PCDHGA2: variants seen among roughly 807,000 people sequenced by gnomAD.
The protein encoded by PCDHGA2 is protocadherin gamma subfamily A, 2.
In PCDHGA2, 40 loss-of-function variants were observed where a neutral mutation model predicts 59.2. The ratio of observed to expected loss-of-function variants is 0.68; its 90% CI spans 0.52 to 0.88. The LOEUF (loss-of-function observed/expected upper bound fraction) is 0.88, where lower values mean the gene tolerates loss of function less well. Among genes scored for constraint, PCDHGA2 ranks in the 40% least tolerant of loss-of-function variants. The probability of loss-of-function intolerance (pLI) is 0.00; values close to 1 mark genes in which losing one functional copy is unlikely to be tolerated. For synonymous variants in PCDHGA2, 560 were observed against 526.0 expected (o/e 1.06, Z -0.89); for missense variants, 1,226 against 1,204.0 (o/e 1.02, Z -0.27).
chr5:141,471,591 A>T (rs925105880), intron 1 of PCDHGA2: 1 of 152,294 alleles, frequency 6.6e-6, no homozygotes, highest in South Asian at 2.1e-4. Context: ...AGTAATTGAT[A>T]GTTTCAAAAT....
chr5:141,409,749 C>T (rs1477022032), intron 1 of PCDHGA2: 4 of 1,613,030 alleles, frequency 2.5e-6, no homozygotes, highest in Admixed American at 1.7e-5. Context: ...GTGGTGTTCG[C>T]GCAGCGCGCC....
rs1759725917 is a variant in PCDHGA2 at position 141,355,135 on chromosome 5, C to T, written c.2424+13740C>T. 7 of 1,523,612 alleles carry T rather than the reference C, an allele frequency of 4.6e-6. No homozygotes were observed. In the Middle Eastern group the frequency reaches 9.9e-4, roughly 216 times the overall value. 94.4% of individuals were successfully genotyped at this position (1,523,612 alleles called of 1,614,324 possible). ...GCACTTTATTTTGGACCCAGAAGAT[C>T]CTGGGGCTCCTCAGGCCTCGACAGA... On this transcript the variant is annotated intron_variant, in intron 1 of 3. Transcript: ENST00000394576.
rs138070043 is a variant in PCDHGA2, at chr5:141,512,950, AAAT to A, written c.*1783_*1785del. 5,271 of 152,332 alleles carry A rather than the reference AAAT, an allele frequency of 0.035. 119 individuals carry two copies. The highest frequency in any genetic ancestry group is 0.075 in the South Asian group (360 of 4,826). The allele number at this position is 152,332 out of a possible 1,614,324, so 9.4% of individuals were successfully genotyped here. On this transcript the variant is annotated 3_prime_UTR_variant, in exon 4 of 4. Coordinates refer to ENST00000394576, the MANE Select transcript of PCDHGA2 (RefSeq NM_018915.4). ...ATATGGCTTTTTTTCTTCGACAAAA[AAAT>A]AATAAAACGTTTCTTCTGAAAAGCT...
At position 141,339,563 on chromosome 5, in the gene PCDHGA2, C is replaced by G. The variant is rs992259833; in HGVS notation, c.592C>G (p.Arg198Gly). ...GNKYPELVLE[R>G]SLDREEEAVH... ...CAAGTACCCAGAACTGGTGCTGGAG[C>G]GCTCTCTGGACCGCGAGGAAGAGGC... is the stretch of plus-strand genomic sequence containing the variant. The change falls in exon 1 of 4, where the codon CGC (arginine) becomes GGC (glycine). Residue 198 changes from arginine (R) to glycine (G), a missense_variant. Physicochemically the swap from Arg to Gly is moderately radical, Grantham distance 125 (BLOSUM62 -2). Transcript: ENST00000394576. 1.2e-6 allele frequency: 2 copies of G among 1,614,022 alleles called. No individual in the cohort carries two copies. Among genetic ancestry groups the G allele is most frequent in the African/African-American group, 1.3e-5 (1 of 74,908 alleles).
In PCDHGA2 at chr5:141,432,612, C is replaced by T. The variant is rs752901891; in HGVS notation, c.2425-62195C>T. 1.9e-6 allele frequency: 3 copies of T among 1,613,912 alleles called. No individual in the cohort carries two copies. The highest frequency in any genetic ancestry group is 2.5e-6 in the Non-Finnish European group (3 of 1,179,970). On this transcript the variant is annotated intron_variant, in intron 1 of 3. Transcript: ENST00000394576. The surrounding 1 kb of genome is among the most constrained non-coding windows in gnomAD (Gnocchi z 6.0). ...AAGGCCAGCGAGCCGGGACTCTTCT[C>T]GGTGGGTCTGCACACGGGCGAGGTG...
At chr5:141,469,415 A>C (rs2099200751) in intron 1 of PCDHGA2, among the ~76,000 whole-genome samples, 1 of 152,116 alleles carries the variant, frequency 6.6e-6, no homozygotes, top group Admixed American at 6.5e-5. Flanking sequence ...TTTCTACTAA[A>C]AATATAAAAC....
At chr5:141,444,626 A>G (rs542390437) in intron 1 of PCDHGA2, among the ~76,000 whole-genome samples, 74 of 152,288 alleles carry the variant, frequency 4.9e-4, no homozygotes, top group African/African-American at 1.7e-3. Flanking sequence ...GGCATGATGC[A>G]CCAGTTCATT....
chr5:141,415,837 A>G (rs1232795581), intron 1 of PCDHGA2: 1 of 1,272,340 alleles, frequency 7.9e-7, no homozygotes, highest in Admixed American at 4.0e-5. Flanking sequence ...TGTTATGATT[A>G]GCTTTGCAGA....
Position 141,431,051 on chromosome 5 carries a change from G to C in PCDHGA2, c.2425-63756G>C, listed in dbSNP as rs1280440001. On this transcript the variant is annotated intron_variant, in intron 1 of 3. Coordinates refer to ENST00000394576, the MANE Select transcript of PCDHGA2 (RefSeq NM_018915.4). This position sits in a 1 kb window ranked among gnomAD's most constrained non-coding sequence, Gnocchi z 4.8. ...GATAGACCGGGAGGAGCTCTGTATGGGGGCCATCAAGTGTCAATTAAATCT... is the reference window on the plus strand; with the variant it reads ...GATAGACCGGGAGGAGCTCTGTATGCGGGCCATCAAGTGTCAATTAAATCT... 3 of 1,614,218 alleles carry C rather than the reference G, an allele frequency of 1.9e-6. No homozygotes were observed. Among genetic ancestry groups the C allele is most frequent in the East Asian group, 2.2e-5 (1 of 44,886 alleles).
chr5:141,343,874 C>T (rs1047507236), intron 1 of PCDHGA2: 37 of 605,772 alleles, frequency 6.1e-5, no homozygotes, highest in Admixed American at 2.4e-4. Flanking sequence ...AAATCAGACT[C>T]AGAAGATCCG....
At chr5:141,451,673 G>A (rs912482749) in intron 1 of PCDHGA2, among the ~76,000 whole-genome samples, 4 of 152,164 alleles carry the variant, frequency 2.6e-5, no homozygotes, top group African/African-American at 7.2e-5. Context: ...CTTGAGCCCA[G>A]GAGTTCAAGA....
chr5:141,431,678 T>G lies in PCDHGA2; in HGVS notation c.2425-63129T>G. The G allele has an allele frequency of 6.2e-7, 1 of 1,614,084 alleles. No homozygotes were observed. Among genetic ancestry groups the G allele is most frequent in the Non-Finnish European group, 8.5e-7 (1 of 1,180,022 alleles). On this transcript the variant is annotated intron_variant, in intron 1 of 3. Transcript: ENST00000394576. This position sits in a 1 kb window ranked among gnomAD's most constrained non-coding sequence, Gnocchi z 4.8. ...AGGGACAATATCAACAATAGGGGAGTTGGACCACGAGGAGTCAGGATTCTA... is the reference window on the plus strand; with the variant it reads ...AGGGACAATATCAACAATAGGGGAGGTGGACCACGAGGAGTCAGGATTCTA...
chr5:141,420,018 G>T, intron 1 of PCDHGA2: 2 of 1,614,066 alleles, frequency 1.2e-6, no homozygotes, highest in African/African-American at 2.7e-5. Flanking sequence ...CAGTCTTTCA[G>T]CCCTACTGCA....
At chr5:141,354,474 AAGGCT>A (rs1759552613) in intron 1 of PCDHGA2, among the ~76,000 whole-genome samples, 1 of 152,066 alleles carries the variant, frequency 6.6e-6, no homozygotes, top group Non-Finnish European at 1.5e-5. Context: ...TGTACAGGGT[AAGGCT>A]AACTCTTGAA....
chr5:141,500,574 G>A (rs2099801457), intron 2 of PCDHGA2, among the ~76,000 whole-genome samples: 1 of 152,164 alleles, frequency 6.6e-6, no homozygotes, highest in African/African-American at 2.4e-5. Context: ...ACACTTTCAT[G>A]TGACACTTTA....
In PCDHGA2 at chr5:141,431,955, GA is replaced by G; in HGVS notation, c.2425-62849del. ...CCCTTTAAATTAGAAAAATCTTACG[GA>G]AATTACTATAGTTTAGTCACAGACA... On this transcript the variant is annotated intron_variant, in intron 1 of 3. Coordinates refer to ENST00000394576, the MANE Select transcript of PCDHGA2 (RefSeq NM_018915.4). The surrounding 1 kb of genome is among the most constrained non-coding windows in gnomAD (Gnocchi z 4.8). The G allele has an allele frequency of 6.2e-7, 1 of 1,614,142 alleles. No homozygotes were observed. Among genetic ancestry groups the G allele is most frequent in the Non-Finnish European group, 8.5e-7 (1 of 1,180,024 alleles).
intron 1 of PCDHGA2, among the ~76,000 whole-genome samples, chr5:141,406,594 G>A (rs1463823326): frequency 1.3e-5 from 2 of 152,068 alleles, no homozygotes; most frequent in Non-Finnish European, 2.9e-5. Context: ...CCCTTTAATG[G>A]TGAAAGTTGT....
intron 1 of PCDHGA2, among the ~76,000 whole-genome samples, chr5:141,363,259 A>G (rs1181731683): frequency 6.6e-6 from 1 of 152,244 alleles, no homozygotes; most frequent in Non-Finnish European, 1.5e-5. Context: ...AATATTACTT[A>G]AAACTTTGCT....
At chr5:141,409,054 T>C (rs1314214077) in intron 1 of PCDHGA2, 2 of 1,613,910 alleles carry the variant, frequency 1.2e-6, no homozygotes, top group Non-Finnish European at 1.7e-6. Flanking sequence ...TCCGAAGCAC[T>C]GCCCAGAGCA....
Sources: allele counts gnomAD v4.1 joint callset (sites outside exome capture counted in the v4.1 genomes callset), GRCh38; gene constraint gnomAD v4.1.1; non-coding constraint Gnocchi (gnomAD v3.1); transcripts MANE v1.5; gene names NCBI Gene and HGNC (gene_info 2026-07-23, HGNC 2026-07-21).